The following CDH13 variants were observed in gnomAD, a reference collection of about 807,000 sequenced individuals.
CDH13 encodes cadherin 13, also known as cadherin-13.
In CDH13, 24 loss-of-function variants were observed where a neutral mutation model predicts 63.8. The observed-to-expected ratio is 0.38, with a 90% confidence interval of 0.27 to 0.53. CDH13 has a LOEUF of 0.53. CDH13 is among the 20% of genes least tolerant of loss of function. The pLI is 0.85. For missense variants in CDH13, 1,049 were observed against 903.1 expected (o/e 1.16, Z -2.07); for synonymous variants, 503 against 355.3 (o/e 1.42, Z -4.67).
intron 7 of CDH13, among the ~76,000 whole-genome samples, chr16:83,537,549 A>T (rs1040496999): frequency 6.6e-6 from 1 of 152,152 alleles, no homozygotes; most frequent in African/African-American, 2.4e-5. Flanking sequence ...ATTTGCTCAC[A>T]CTCTGGCAGA....
intron 5 of CDH13, among the ~76,000 whole-genome samples, chr16:83,314,384 A>C (rs2090062629): frequency 6.6e-6 from 1 of 152,238 alleles, no homozygotes; most frequent in African/African-American, 2.4e-5. Context: ...AAACAAGACT[A>C]ATCATTAATA....
intron 8 of CDH13, among the ~76,000 whole-genome samples, chr16:83,667,469 A>C (rs72797204): frequency 6.6e-6 from 1 of 151,806 alleles, no homozygotes; most frequent in Non-Finnish European, 1.5e-5. Flanking sequence ...CTATCCATCT[A>C]TCTGTCCACC....
chr16:83,559,631 A>AAGAG (rs1259506721), intron 7 of CDH13, among the ~76,000 whole-genome samples: 2 of 151,414 alleles, frequency 1.3e-5, no homozygotes, highest in African/African-American at 4.8e-5. Flanking sequence ...GAGAAAGAAA[A>AAGAG]AGAGAGAGAG....
chr16:83,365,968 C>A (rs1474717523), intron 6 of CDH13, among the ~76,000 whole-genome samples: 1 of 152,200 alleles, frequency 6.6e-6, no homozygotes, highest in Non-Finnish European at 1.5e-5. Context: ...AGCCCCTAAG[C>A]AGGAAACCTA....
rs540097393 is a variant in CDH13 at position 83,472,046 on chromosome 16, G to A, written c.782-14431G>A. Among the ~76,000 whole-genome samples the A allele has an allele frequency of 1.1e-4, 17 of 152,274 alleles. No individual in the cohort carries two copies. In the East Asian group the frequency reaches 1.2e-3, roughly 10 times the overall value. ...GGTGCTTCTGGGCCATGCCTCTCCC[G>A]TCTTTTGATAACAACAATATTCTCA... On this transcript the variant is annotated intron_variant, in intron 6 of 13. Coordinates refer to ENST00000567109, the MANE Select transcript of CDH13 (RefSeq NM_001257.5).
At chr16:83,090,795 C>T (rs186539253) in intron 3 of CDH13, among the ~76,000 whole-genome samples, 31 of 151,870 alleles carry the variant, frequency 2.0e-4, no homozygotes, top group Non-Finnish European at 1.5e-5. Flanking sequence ...CAGACTTCAG[C>T]ATTCATTACA....
At chr16:82,785,904 C>T (rs1466610789) in intron 1 of CDH13, among the ~76,000 whole-genome samples, 3 of 152,172 alleles carry the variant, frequency 2.0e-5, no homozygotes, top group Non-Finnish European at 4.4e-5. Flanking sequence ...CACATTTGGA[C>T]AAGAGAGGGG....
At chr16:83,160,638 C>T (rs781252189) in intron 4 of CDH13, among the ~76,000 whole-genome samples, 7 of 152,182 alleles carry the variant, frequency 4.6e-5, no homozygotes, top group Non-Finnish European at 1.0e-4. Context: ...CTACAAACCT[C>T]TCCAGCTGCT....
intron 2 of CDH13, among the ~76,000 whole-genome samples, chr16:82,875,610 G>A (rs564430238): frequency 4.6e-5 from 7 of 152,216 alleles, no homozygotes; most frequent in Admixed American, 3.9e-4. Flanking sequence ...TTTTGTTAAA[G>A]AAAAATGTCA....
chr16:83,713,974 C>G (rs564501334), intron 10 of CDH13, among the ~76,000 whole-genome samples: 7 of 152,320 alleles, frequency 4.6e-5, no homozygotes, highest in African/African-American at 1.4e-4. Context: ...AAATGCCTGT[C>G]CAGTATTCTC....
intron 6 of CDH13, among the ~76,000 whole-genome samples, chr16:83,376,676 C>T (rs4145655): frequency 0.66 from 100,366 of 151,870 alleles, 33,392 homozygotes; most frequent in East Asian, 0.89. Flanking sequence ...GACATGCATA[C>T]TCTAGAGAGA....
At chr16:83,012,185 A>G (rs7500448) in intron 2 of CDH13, among the ~76,000 whole-genome samples, 30,208 of 152,126 alleles carry the variant, frequency 0.2, 3,424 homozygotes, top group East Asian at 0.26. Context: ...TAGTTTAAAC[A>G]CAATATTTTT....
intron 4 of CDH13, among the ~76,000 whole-genome samples, chr16:83,142,915 C>G (rs2036596481): frequency 6.6e-6 from 1 of 152,134 alleles, no homozygotes; most frequent in African/African-American, 2.4e-5. Context: ...ACCAGCCTGA[C>G]CCACATGAAG....
At chr16:82,634,495 C>T (rs1286121257) in intron 1 of CDH13, among the ~76,000 whole-genome samples, 1 of 152,212 alleles carries the variant, frequency 6.6e-6, no homozygotes, top group Non-Finnish European at 1.5e-5. Context: ...CGTCGGGCAT[C>T]TGGGATCATC....
At chr16:83,578,632 C>A (rs889580676) in intron 7 of CDH13, among the ~76,000 whole-genome samples, 1 of 152,168 alleles carries the variant, frequency 6.6e-6, no homozygotes, top group Non-Finnish European at 1.5e-5. Context: ...TAATGAGCAT[C>A]TATTAATACT....
intron 4 of CDH13, among the ~76,000 whole-genome samples, chr16:83,207,658 A>C (rs544368999): frequency 2.6e-4 from 39 of 152,274 alleles, no homozygotes; most frequent in African/African-American, 8.7e-4. Context: ...ATAAGTTTTA[A>C]AATAACATTC....
intron 5 of CDH13, among the ~76,000 whole-genome samples, chr16:83,309,951 C>G (rs1014527242): frequency 1.3e-5 from 2 of 152,018 alleles, no homozygotes; most frequent in Non-Finnish European, 2.9e-5. Context: ...AAAGGAATAG[C>G]AAAACATTTA....
chr16:82,922,881 T>C (rs773750051), intron 2 of CDH13, among the ~76,000 whole-genome samples: 2 of 152,166 alleles, frequency 1.3e-5, no homozygotes, highest in African/African-American at 2.4e-5. Context: ...GCCTACCTTG[T>C]TGATATTGAG....
At chr16:83,568,070 G>A (rs1317996476) in intron 7 of CDH13, among the ~76,000 whole-genome samples, 14 of 152,160 alleles carry the variant, frequency 9.2e-5, no homozygotes, top group Non-Finnish European at 1.5e-4. Flanking sequence ...CCAACTGTCC[G>A]GTTAGCAGAG....
Sources: allele counts gnomAD v4.1 joint callset (sites outside exome capture counted in the v4.1 genomes callset), GRCh38; gene constraint gnomAD v4.1.1; transcripts MANE v1.5; gene names NCBI Gene and HGNC (gene_info 2026-07-23, HGNC 2026-07-21).